Variants in FMN1 observed in about 807,000 individuals in gnomAD.
FMN1 encodes the protein formin 1.
Under a neutral mutation model 132.4 loss-of-function variants are expected in FMN1, and 110 were observed. The observed-to-expected ratio is 0.83, with a 90% CI of 0.71 to 0.97. The LOEUF (loss-of-function observed/expected upper bound fraction) is 0.97. Ranked by LOEUF, FMN1 falls within the 50% of genes least tolerant of loss-of-function variation. The pLI is 0.00. For synonymous variants in FMN1, 722 were observed against 651.7 expected, an observed-to-expected ratio of 1.11 and a Z score of -1.64; for missense variants, 1,792 against 1,705.3, an observed-to-expected ratio of 1.05 and a Z score of -0.90.
At chr15:33,049,965 T>A (rs2036891139) in intron 6 of FMN1, among the ~76,000 whole-genome samples, 1 of 152,244 alleles carries the variant, frequency 6.6e-6, no homozygotes, top group Non-Finnish European at 1.5e-5. Flanking sequence ...TTAATTCAGC[T>A]GAAGTTTTTT....
At chr15:32,921,293 G>A (rs2060815409) in intron 10 of FMN1, among the ~76,000 whole-genome samples, 1 of 152,198 alleles carries the variant, frequency 6.6e-6, no homozygotes, top group African/African-American at 2.4e-5. Flanking sequence ...CATTCAAAAT[G>A]TGTTGTGCAT....
chr15:33,187,357 G>A (rs1566972189), intron 2 of FMN1, among the ~76,000 whole-genome samples: 1 of 152,076 alleles, frequency 6.6e-6, no homozygotes, highest in Non-Finnish European at 1.5e-5. Context: ...ATGTAAAAAG[G>A]AGTGAGATTT....
intron 17 of FMN1, among the ~76,000 whole-genome samples, chr15:32,812,718 T>C (rs144686290): frequency 6.6e-6 from 1 of 152,354 alleles, no homozygotes; most frequent in Non-Finnish European, 1.5e-5. Context: ...TTAGAGATTC[T>C]CAGCCTGTAT....
intron 16 of FMN1, 103 bp downstream of exon 16, chr15:32,888,069 C>G: frequency 2.0e-6 from 2 of 995,454 alleles, no homozygotes; most frequent in East Asian, 2.6e-5. Flanking sequence ...TTGCTGAACT[C>G]TGCACCAATC....
In FMN1 at chr15:32,957,640, C is replaced by T. The variant is rs1341864358; in HGVS notation, c.3138+6467G>A. Among the ~76,000 whole-genome samples, 6 of 152,010 alleles carry T rather than the reference C, an allele frequency of 3.9e-5. No individual in the cohort carries two copies. The East Asian group carries it at 1.2e-3, about 29-fold the overall frequency. ...ATTAATGCTTTAAGACCTTAAAAAC[C>T]TTGGGAATCAAAGATGTTTAAGAAT... On this transcript the variant is annotated intron_variant, in intron 9 of 20. Coordinates refer to ENST00000616417, the MANE Select transcript of FMN1 (RefSeq NM_001277313.2).
Position 32,964,143 on chromosome 15 carries a change from C to CA in FMN1, c.3101dup (p.Ser1035ValfsTer5). The CA allele has an allele frequency of 6.2e-7, 1 of 1,613,014 alleles. No individual in the cohort carries two copies. ...TGTTTTTCTTCTCATAAGTCTCTGA[C>CA]AGAGGTTTTTTCTTCTGTTGAGTTG... is the stretch of plus-strand genomic sequence containing the variant. On this transcript the variant is annotated frameshift_variant, in exon 9 of 21. Transcript: ENST00000616417. LOFTEE classifies it high-confidence loss of function.
chr15:33,014,215 A>G (rs1414848093), intron 6 of FMN1, among the ~76,000 whole-genome samples: 1 of 152,248 alleles, frequency 6.6e-6, no homozygotes, highest in Non-Finnish European at 1.5e-5. Context: ...GTTACAGAAT[A>G]ATGTCCATGA....
At chr15:32,866,328 G>C (rs1373238074) in intron 16 of FMN1, among the ~76,000 whole-genome samples, 1 of 151,706 alleles carries the variant, frequency 6.6e-6, no homozygotes, top group East Asian at 1.9e-4. Context: ...GGCTGGAAAA[G>C]TTATTTAATA....
chr15:33,102,388 C>T (rs1008854209), intron 4 of FMN1, among the ~76,000 whole-genome samples: 10 of 152,062 alleles, frequency 6.6e-5, no homozygotes, highest in Non-Finnish European at 1.0e-4. Flanking sequence ...AGTTTTCTTT[C>T]AAACTCCAAA....
At chr15:32,997,143 T>C (rs1468931040) in intron 7 of FMN1, among the ~76,000 whole-genome samples, 1 of 152,162 alleles carries the variant, frequency 6.6e-6, no homozygotes, top group East Asian at 1.9e-4. Context: ...TTAGAGGCAC[T>C]TCCTCAAACT....
intron 16 of FMN1, among the ~76,000 whole-genome samples, chr15:32,884,140 T>A (rs2059838931): frequency 6.6e-6 from 1 of 152,330 alleles, no homozygotes; most frequent in East Asian, 1.9e-4. Flanking sequence ...ATTGCTACTA[T>A]AATAAATTAG....
Position 33,110,050 on chromosome 15 carries a change from T to C in FMN1, c.1868-21076A>G, listed in dbSNP as rs192650365. ...AATACTCTTCAGGCAAAAAGTATATTGAATAAAATTTGGAGAAACAATTTG... is the reference window on the plus strand; with the variant it reads ...AATACTCTTCAGGCAAAAAGTATATCGAATAAAATTTGGAGAAACAATTTG... On this transcript the variant is annotated intron_variant, in intron 4 of 20. Transcript: ENST00000616417. Among the ~76,000 whole-genome samples the C allele has an allele frequency of 1.3e-4, 20 of 152,150 alleles. No homozygotes were observed. In the East Asian group the frequency reaches 3.7e-3, roughly 28 times the overall value.
chr15:33,163,592 CTGTTTTGTTTTGTTT>C (rs71117113), intron 3 of FMN1, among the ~76,000 whole-genome samples: 53,319 of 144,824 alleles, frequency 0.37, 11,381 homozygotes, highest in Admixed American at 0.47. Context: ...CCATGCCTGG[CTGTTTTGTTTTGTTT>C]TGTTTTGTTT....
intron 16 of FMN1, among the ~76,000 whole-genome samples, chr15:32,868,921 G>A (rs1201189228): frequency 2.0e-5 from 3 of 152,122 alleles, no homozygotes; most frequent in African/African-American, 7.2e-5. Context: ...ACAAGGAAAT[G>A]AACAAATTGT....
intron 3 of FMN1, among the ~76,000 whole-genome samples, chr15:33,165,979 C>G (rs1045203538): frequency 6.6e-6 from 1 of 152,110 alleles, no homozygotes; most frequent in Non-Finnish European, 1.5e-5. Flanking sequence ...GAAGGAAAAC[C>G]TATTTTAATT....
intron 7 of FMN1, among the ~76,000 whole-genome samples, chr15:32,980,390 T>A (rs1362624334): frequency 6.6e-6 from 1 of 152,152 alleles, no homozygotes; most frequent in African/African-American, 2.4e-5. Flanking sequence ...ACCTTAAACT[T>A]GCTTTATATA....
chr15:32,809,321 C>A (rs141094998), intron 17 of FMN1, among the ~76,000 whole-genome samples: 184 of 152,274 alleles, frequency 1.2e-3, no homozygotes, highest in Middle Eastern at 0.01. Context: ...ACAGGTTCCC[C>A]TCATTGCACA....
At chr15:32,934,724 A>C (rs545028312) in intron 9 of FMN1, among the ~76,000 whole-genome samples, 4 of 149,852 alleles carry the variant, frequency 2.7e-5, no homozygotes, top group African/African-American at 4.9e-5. Flanking sequence ...CTCCTGCCTC[A>C]GCCTCCCAAG....
At chr15:33,021,139 T>G (rs1472049695) in intron 6 of FMN1, among the ~76,000 whole-genome samples, 1 of 152,208 alleles carries the variant, frequency 6.6e-6, no homozygotes, top group Non-Finnish European at 1.5e-5. Flanking sequence ...TCACTCAGCC[T>G]GGGTCCCAGA....
Sources: gnomAD v4.1 joint callset for allele counts (sites outside exome capture counted in the v4.1 genomes callset) on GRCh38, gnomAD v4.1.1 for gene constraint, MANE v1.5 for transcripts, NCBI Gene and HGNC (gene_info 2026-07-23, HGNC 2026-07-21) for gene names.